NSD2: variants seen among roughly 807,000 people sequenced by gnomAD.
NSD2 encodes histone-lysine N-methyltransferase NSD2.
Under a neutral mutation model 139.0 loss-of-function variants are expected in NSD2, and 12 were observed. That is an observed-to-expected ratio of 0.09 (90% CI 0.06 to 0.14). The LOEUF (loss-of-function observed/expected upper bound fraction) is 0.14. Among genes scored for constraint, NSD2 ranks in the 10% least tolerant of loss-of-function variants. The pLI, the probability that NSD2 is intolerant of heterozygous loss-of-function variation, is 1.00. For missense variants in NSD2, 1,155 were observed against 1,745.0 expected (o/e 0.66, Z 6.02); for synonymous variants, 669 against 648.7 (o/e 1.03, Z -0.48).
At chr4:1,932,946 A>C (rs1467379456) in intron 6 of NSD2, among the ~76,000 whole-genome samples, 3 of 152,176 alleles carry the variant, frequency 2.0e-5, no homozygotes, top group Non-Finnish European at 2.9e-5. Flanking sequence ...CTGAAGGCAG[A>C]CCTGCCTGAG....
At chr4:1,970,734 G>A (rs1490325704) in intron 18 of NSD2, among the ~76,000 whole-genome samples, 1 of 152,142 alleles carries the variant, frequency 6.6e-6, no homozygotes, top group East Asian at 1.9e-4. Context: ...TGAGGGAGGG[G>A]GTCCAGGCTG....
At chr4:1,876,411 A>G (rs1465263433) in intron 1 of NSD2, among the ~76,000 whole-genome samples, 1 of 151,958 alleles carries the variant, frequency 6.6e-6, no homozygotes, top group Non-Finnish European at 1.5e-5. Flanking sequence ...CCAGTAGTGG[A>G]TAGGCACAGT....
chr4:1,945,399 T>C, intron 9 of NSD2: 1 of 1,064,286 alleles, frequency 9.4e-7, no homozygotes, highest in Non-Finnish European at 1.1e-6. Context: ...GGTGTGTGTG[T>C]CCAGAGGTGT....
At chr4:1,925,062 C>G (rs1470236633) in intron 5 of NSD2, among the ~76,000 whole-genome samples, 1 of 152,218 alleles carries the variant, frequency 6.6e-6, no homozygotes, top group East Asian at 1.9e-4. Flanking sequence ...GAAGAATTTT[C>G]TGTTATCGGA....
chr4:1,882,494 T>C (rs1284065666), intron 1 of NSD2, among the ~76,000 whole-genome samples: 3 of 152,104 alleles, frequency 2.0e-5, no homozygotes, highest in Non-Finnish European at 4.4e-5. Flanking sequence ...AAACCCCGTC[T>C]CTACTAAAAA....
chr4:1,897,139 C>T (rs1324790595), intron 1 of NSD2, among the ~76,000 whole-genome samples: 1 of 151,248 alleles, frequency 6.6e-6, no homozygotes, highest in African/African-American at 2.4e-5. Context: ...CACTGCACTC[C>T]AGCCTGGGTG....
chr4:1,941,446 G>A, intron 9 of NSD2: 1 of 1,047,468 alleles, frequency 9.5e-7, no homozygotes. Flanking sequence ...AGTGTAGCGG[G>A]GTCGAGGCCT....
chr4:1,950,930 T>C, intron 9 of NSD2, 142 bp from the exon 10 acceptor site: 1 of 1,138,262 alleles, frequency 8.8e-7, no homozygotes, highest in Non-Finnish European at 1.2e-6. Flanking sequence ...ATGGTTCCAC[T>C]GTGAAATCAC....
At chr4:1,881,158 T>G (rs974722553) in intron 1 of NSD2, among the ~76,000 whole-genome samples, 1 of 152,142 alleles carries the variant, frequency 6.6e-6, no homozygotes, top group African/African-American at 2.4e-5. Flanking sequence ...TTTTTTGAGA[T>G]AGGGTCCCTC....
At chr4:1,904,167 A>G in intron 2 of NSD2, 49 bp from the exon 3 acceptor site, 3 of 1,584,424 alleles carry the variant, frequency 1.9e-6, no homozygotes, top group Non-Finnish European at 2.6e-6. Context: ...CTGGATACAC[A>G]GGTAGTGATT....
At position 1,930,701 on chromosome 4, in the gene NSD2, G is replaced by C. The variant is rs1721533112; in HGVS notation, c.1486G>C (p.Glu496Gln). The stretch of plus-strand genomic sequence containing the variant: ...CAGGTCACAGTGGAGTCTGCTGAGT[G>C]AGAAGCAGAGAGCACGCTACAACAC... ...LLRSQWSLLS[E>Q]KQRARYNTKF... The change falls in exon 6 of 22, where the codon GAG (glutamate) becomes CAG (glutamine). Residue 496 changes from glutamate to glutamine, a missense_variant. By Grantham distance (29) the Glu-to-Gln change is conservative. Coordinates refer to ENST00000508803, the MANE Select transcript of NSD2 (RefSeq NM_001042424.3). 3 of 1,613,878 alleles carry C rather than the reference G, an allele frequency of 1.9e-6. No individual in the cohort carries two copies. The highest frequency in any genetic ancestry group is 2.5e-6 in the Non-Finnish European group (3 of 1,179,972).
chr4:1,900,327 T>C (rs1475155757), intron 1 of NSD2, among the ~76,000 whole-genome samples: 1 of 152,236 alleles, frequency 6.6e-6, no homozygotes, highest in Admixed American at 6.5e-5. Context: ...AGTTAAGTTA[T>C]GTGTCCATGG....
intron 5 of NSD2, among the ~76,000 whole-genome samples, chr4:1,927,096 C>T (rs988777668): frequency 1.3e-5 from 2 of 152,128 alleles, no homozygotes; most frequent in African/African-American, 2.4e-5. Context: ...TCCAGGGTAC[C>T]TTCTCTCACT....
chr4:1,968,038 C>G (rs544313110), intron 18 of NSD2, among the ~76,000 whole-genome samples: 2 of 152,218 alleles, frequency 1.3e-5, no homozygotes, highest in East Asian at 1.9e-4. Context: ...TCTGTACTTG[C>G]AAACCAAATT....
intron 1 of NSD2, 132 bp from the exon 2 acceptor site, chr4:1,900,491 AATT>A: frequency 1.9e-6 from 1 of 526,798 alleles, no homozygotes; most frequent in Admixed American, 3.8e-5. Flanking sequence ...CTGTGACCTG[AATT>A]ATTATAAAAA....
At chr4:1,969,193 G>A (rs1464607826) in intron 18 of NSD2, among the ~76,000 whole-genome samples, 2 of 152,172 alleles carry the variant, frequency 1.3e-5, no homozygotes, top group Non-Finnish European at 2.9e-5. Context: ...GGGAAGAAGA[G>A]ATGACACATC....
rs115476134 is a variant in NSD2 at position 1,981,004 on chromosome 4, G to A, written c.*2095G>A. ...GTCACTTGCCCAAAAGATCCCTTCC[G>A]GCAGGTAAGGGACTACCAATGCTTA... On this transcript the variant is annotated 3_prime_UTR_variant, in exon 22 of 22. Transcript: ENST00000508803. 10 of 233,232 alleles carry A rather than the reference G, an allele frequency of 4.3e-5. No individual in the cohort carries two copies. Among genetic ancestry groups the A allele is most frequent in the South Asian group, 1.8e-4 (1 of 5,530 alleles). The allele number at this position is 233,232 out of a possible 1,614,324, so 14.4% of individuals were successfully genotyped here. A position where few individuals can be genotyped will look rare whatever the true frequency, so the allele number is the denominator to read the frequency against.
intron 5 of NSD2, among the ~76,000 whole-genome samples, chr4:1,926,731 T>G (rs1434612438): frequency 6.6e-6 from 1 of 152,102 alleles, no homozygotes; most frequent in Non-Finnish European, 1.5e-5. Context: ...TCGGCCTCCC[T>G]AAGTGCTGGG....
chr4:1,931,929 C>T (rs1278467982), intron 6 of NSD2, among the ~76,000 whole-genome samples: 1 of 152,196 alleles, frequency 6.6e-6, no homozygotes, highest in Non-Finnish European at 1.5e-5. Flanking sequence ...CCAGATTCAG[C>T]TTACCCTCGA....
Sources: gnomAD v4.1 joint callset for allele counts (sites outside exome capture counted in the v4.1 genomes callset) on GRCh38, gnomAD v4.1.1 for gene constraint, MANE v1.5 for transcripts, NCBI Gene and HGNC (gene_info 2026-07-23, HGNC 2026-07-21) for gene names.